The following PRLR variants were observed in gnomAD, a reference collection of about 807,000 sequenced individuals.
PRLR encodes prolactin receptor, also known as hPRL receptor.
In PRLR, 13 loss-of-function variants were observed where a neutral mutation model predicts 40.2. That is an observed-to-expected ratio of 0.32 (90% CI 0.21 to 0.51). The LOEUF is 0.51. PRLR is among the 20% of genes least tolerant of loss of function. PRLR has a pLI of 0.97. For missense variants in PRLR, 656 were observed against 747.3 expected (o/e 0.88, Z 1.42); for synonymous variants, 269 against 278.7 (o/e 0.97, Z 0.35).
intron 1 of PRLR, among the ~76,000 whole-genome samples, chr5:35,138,958 G>A (rs1212469661): frequency 6.6e-6 from 1 of 151,988 alleles, no homozygotes; most frequent in African/African-American, 2.4e-5. Context: ...AGGGACTGAG[G>A]GGTAGGAGAA....
At chr5:35,184,558 C>T (rs902874306) in intron 1 of PRLR, among the ~76,000 whole-genome samples, 5 of 152,068 alleles carry the variant, frequency 3.3e-5, no homozygotes, top group Admixed American at 1.3e-4. Context: ...AAAATAATAA[C>T]AACCAACCAG....
chr5:35,130,068 C>T (rs1773613221), intron 1 of PRLR, among the ~76,000 whole-genome samples: 1 of 152,200 alleles, frequency 6.6e-6, no homozygotes. Flanking sequence ...CACCGAATAT[C>T]CTCAACTACC....
intron 1 of PRLR, among the ~76,000 whole-genome samples, chr5:35,153,165 T>C (rs1195318082): frequency 1.3e-5 from 2 of 152,252 alleles, no homozygotes; most frequent in Non-Finnish European, 2.9e-5. Flanking sequence ...GCTATCATTA[T>C]CATATTTTAA....
At chr5:35,099,578 C>T (rs1771737172) in intron 2 of PRLR, among the ~76,000 whole-genome samples, 1 of 152,136 alleles carries the variant, frequency 6.6e-6, no homozygotes, top group Admixed American at 6.5e-5. Flanking sequence ...TCAGGCAGAT[C>T]CTTCAGGAGG....
intron 2 of PRLR, among the ~76,000 whole-genome samples, chr5:35,104,799 C>T (rs1037994887): frequency 1.5e-5 from 2 of 135,694 alleles, no homozygotes. Flanking sequence ...GGGGGCAGGG[C>T]ATAGTGGAAA....
At position 35,122,534 on chromosome 5, in the gene PRLR, T is replaced by C. The variant is rs539160282; in HGVS notation, c.-105-4412A>G. On this transcript the variant is annotated intron_variant, in intron 1 of 9. Transcript: ENST00000618457. ...TTTCTGTTCCTGAGCTCTTTCTTGT[T>C]TACTGACATTAGCCCAAGGTTAGTC... Among the ~76,000 whole-genome samples the C allele has an allele frequency of 2.6e-5, 4 of 152,332 alleles. No individual in the cohort carries two copies. In the East Asian group the frequency reaches 7.7e-4, roughly 29 times the overall value.
chr5:35,230,145 C>G (rs1440213786), intron 1 of PRLR, 123 bp downstream of exon 1: 2 of 152,178 alleles, frequency 1.3e-5, no homozygotes, highest in African/African-American at 4.8e-5. Flanking sequence ...CAGGAGCCCG[C>G]GCCGGTGGCC....
At chr5:35,201,273 ATG>A in intron 1 of PRLR, among the ~76,000 whole-genome samples, 1 of 152,164 alleles carries the variant, frequency 6.6e-6, no homozygotes, top group East Asian at 1.9e-4. Flanking sequence ...ACAAATATTG[ATG>A]TCTAGTAAGG....
intron 2 of PRLR, among the ~76,000 whole-genome samples, chr5:35,113,977 G>C (rs1772858072): frequency 6.6e-6 from 1 of 152,194 alleles, no homozygotes. Flanking sequence ...AGCCCCAGGG[G>C]ATGAGGAGGT....
chr5:35,197,726 G>T (rs1193424650), intron 1 of PRLR, among the ~76,000 whole-genome samples: 1 of 152,228 alleles, frequency 6.6e-6, no homozygotes, highest in Non-Finnish European at 1.5e-5. Context: ...ACTCCACAAA[G>T]AAGCCTCCCC....
intron 1 of PRLR, among the ~76,000 whole-genome samples, chr5:35,145,308 G>T (rs1774151428): frequency 6.6e-6 from 1 of 152,142 alleles, no homozygotes; most frequent in Admixed American, 6.5e-5. Flanking sequence ...GAAGAGATAT[G>T]TTTCTCTCCA....
intron 1 of PRLR, among the ~76,000 whole-genome samples, chr5:35,133,886 A>G (rs935447944): frequency 1.3e-5 from 2 of 152,228 alleles, no homozygotes; most frequent in Non-Finnish European, 2.9e-5. Flanking sequence ...CTACTGACCT[A>G]CTATAGCCTA....
At chr5:35,120,044 C>T (rs567399438) in intron 1 of PRLR, among the ~76,000 whole-genome samples, 6 of 152,246 alleles carry the variant, frequency 3.9e-5, no homozygotes, top group African/African-American at 7.2e-5. Context: ...CTGGCTCCCA[C>T]GTCTATTCTT....
chr5:35,152,006 T>C (rs1277461798), intron 1 of PRLR, among the ~76,000 whole-genome samples: 1 of 152,214 alleles, frequency 6.6e-6, no homozygotes, highest in East Asian at 1.9e-4. Context: ...TATCCCATCA[T>C]AATAGAAAGG....
chr5:35,208,302 C>T (rs1776077393), intron 1 of PRLR, among the ~76,000 whole-genome samples: 1 of 152,052 alleles, frequency 6.6e-6, no homozygotes, highest in South Asian at 2.1e-4. Flanking sequence ...TGCCATTTTC[C>T]TTCATTCTCA....
chr5:35,129,467 T>C (rs1773582762), intron 1 of PRLR, among the ~76,000 whole-genome samples: 1 of 152,130 alleles, frequency 6.6e-6, no homozygotes, highest in African/African-American at 2.4e-5. Context: ...TTACTCCACA[T>C]TCCTCTGGCC....
At position 35,068,861 on chromosome 5, in the gene PRLR, T is replaced by C; in HGVS notation, c.703A>G (p.Thr235Ala). The stretch of plus-strand genomic sequence containing the variant: ...ACAGCCACAGAGATCCACACGGTTG[T>C]ATCATTCATGGTGAAGTCTAAAAAA... ...QIPSDFTMND[T>A]TVWISVAVLS... is the part of the protein sequence containing the mutation. The change falls in exon 8 of 10, where the codon ACA (threonine) becomes GCA (alanine). Residue 235 changes from threonine (T) to alanine (A), a missense_variant. Transcript: ENST00000618457. The C allele has an allele frequency of 6.2e-7, 1 of 1,612,360 alleles. No individual in the cohort carries two copies. The highest frequency in any genetic ancestry group is 2.2e-5 in the East Asian group (1 of 44,848).
In PRLR at chr5:35,068,797, A is replaced by C. The variant is rs371143372; in HGVS notation, c.767T>G (p.Val256Gly). The change falls in exon 8 of 10, where the codon GTG becomes GGG. Residue 256 changes from valine (V) to glycine (G), a missense_variant. Val to Gly is a moderately radical substitution (Grantham distance 109). This residue lies in a region of PRLR where 469 missense variants were observed against 491.5 expected (regional missense o/e 0.95). Transcript: ENST00000618457. ...GAAGTACCTATAGCCCTTCAAAGCC[A>C]CTGCCCAGACAATAATCAAACAGAT... ...AVICLIIVWA[V>G]ALKGYSMVTC... The C allele has an allele frequency of 6.2e-7, 1 of 1,609,698 alleles. No homozygotes were observed.
At chr5:35,095,528 G>A (rs1029549676) in intron 2 of PRLR, among the ~76,000 whole-genome samples, 12 of 152,168 alleles carry the variant, frequency 7.9e-5, no homozygotes, top group Non-Finnish European at 1.8e-4. Context: ...AGAGAACCCT[G>A]GCCTGCAGGT....
Sources: gnomAD v4.1 joint callset for allele counts (sites outside exome capture counted in the v4.1 genomes callset) on GRCh38, gnomAD v4.1.1 for gene constraint, gnomAD v4.1.1 regional missense constraint, MANE v1.5 for transcripts, NCBI Gene and HGNC (gene_info 2026-07-23, HGNC 2026-07-21) for gene names.